SRD5A2: variants seen among roughly 807,000 people sequenced by gnomAD.
SRD5A2 encodes steroid 5 alpha-reductase 2.
A neutral mutation model predicts 27.4 loss-of-function variants in SRD5A2; 30 were observed. The observed-to-expected ratio is 1.10, with a 90% confidence interval of 0.82 to 1.49. The LOEUF is 1.49. SRD5A2 is among the 40% of genes most tolerant of loss of function. SRD5A2 has a pLI of 0.00. For missense variants in SRD5A2, 348 were observed against 323.4 expected (o/e 1.08, Z -0.58); for synonymous variants, 141 against 133.6 (o/e 1.06, Z -0.38).
the SRD5A2 span, among the ~76,000 whole-genome samples, chr2:31,651,089 G>C: frequency 6.6e-6 from 1 of 152,154 alleles, no homozygotes; most frequent in Non-Finnish European, 1.5e-5. Flanking sequence ...ATCATTTCAG[G>C]GGAAAATTAA....
chr2:31,661,350 A>G, the SRD5A2 span, among the ~76,000 whole-genome samples: 1 of 152,274 alleles, frequency 6.6e-6, no homozygotes, highest in South Asian at 2.1e-4. Context: ...AATTTCCACA[A>G]GAACTCAGTA....
intron 3 of SRD5A2, among the ~76,000 whole-genome samples, chr2:31,531,040 C>T (rs1292224457): frequency 6.6e-6 from 1 of 152,202 alleles, no homozygotes. Context: ...TAGAAAGGAT[C>T]AGCCCTCTGT....
chr2:31,646,023 A>C, the SRD5A2 span, among the ~76,000 whole-genome samples: 1 of 152,102 alleles, frequency 6.6e-6, no homozygotes, highest in South Asian at 2.1e-4. Context: ...TTGCAACTTT[A>C]CCTCCTTCAT....
the SRD5A2 span, among the ~76,000 whole-genome samples, chr2:31,595,678 G>A: frequency 4.6e-5 from 7 of 152,238 alleles, no homozygotes; most frequent in East Asian, 1.4e-3. Context: ...GGAAGAGAAA[G>A]AGAGAGTCCT....
At chr2:31,583,610 C>T (rs1332762540), upstream of SRD5A2, among the ~76,000 whole-genome samples, 1 of 98,724 alleles carries the variant, frequency 1.0e-5, no homozygotes, top group African/African-American at 4.0e-5. Flanking sequence ...CATCCTCCTT[C>T]CAGGAAAAAA....
At chr2:31,611,753 A>G in the SRD5A2 span, among the ~76,000 whole-genome samples, 5 of 152,140 alleles carry the variant, frequency 3.3e-5, no homozygotes, top group African/African-American at 1.2e-4. Context: ...CTGTTTGGCT[A>G]TTTTTTATAC....
the SRD5A2 span, among the ~76,000 whole-genome samples, chr2:31,645,775 A>G: frequency 6.6e-6 from 1 of 152,232 alleles, no homozygotes; most frequent in Non-Finnish European, 1.5e-5. Flanking sequence ...AGCACCTGAA[A>G]TAAAATAGAT....
intron 1 of SRD5A2, among the ~76,000 whole-genome samples, chr2:31,579,595 G>A (rs1198711203): frequency 6.6e-6 from 1 of 152,202 alleles, no homozygotes; most frequent in Admixed American, 6.5e-5. Flanking sequence ...GCGGGCACCA[G>A]CTGTATTGTC....
the SRD5A2 span, among the ~76,000 whole-genome samples, chr2:31,646,165 G>GCACACA: frequency 6.6e-6 from 1 of 150,994 alleles, no homozygotes; most frequent in Admixed American, 6.6e-5. Flanking sequence ...GTGTGTGCGT[G>GCACACA]CACACACACA....
At chr2:31,634,625 C>T in the SRD5A2 span, among the ~76,000 whole-genome samples, 95 of 152,062 alleles carry the variant, frequency 6.2e-4, no homozygotes, top group Middle Eastern at 3.4e-3. Context: ...ACCATTTCTA[C>T]GGGTACAGTT....
the SRD5A2 span, among the ~76,000 whole-genome samples, chr2:31,622,249 C>T: frequency 6.6e-6 from 1 of 152,114 alleles, no homozygotes; most frequent in Non-Finnish European, 1.5e-5. Flanking sequence ...TGTTAGTTTG[C>T]TGAGGATAAT....
chr2:31,525,910 T>C lies in SRD5A2; in HGVS notation c.*286A>G, dbSNP rs886055952. On this transcript the variant is annotated 3_prime_UTR_variant, in exon 5 of 5. Transcript: ENST00000622030. ...TACTTGGATTGCCCGGTGAAAGACA[T>C]AGGAGAAGTTTGTACTTTCTCAGAG... 10 of 342,802 alleles carry C rather than the reference T, an allele frequency of 2.9e-5. No homozygotes were observed. Among genetic ancestry groups the C allele is most frequent in the East Asian group, 2.9e-4 (7 of 24,288 alleles). 21.2% of individuals were successfully genotyped at this position (342,802 alleles called of 1,614,324 possible). A position where few individuals can be genotyped will look rare whatever the true frequency, so the allele number is the denominator to read the frequency against.
chr2:31,599,696 C>T, the SRD5A2 span, among the ~76,000 whole-genome samples: 1 of 151,808 alleles, frequency 6.6e-6, no homozygotes, highest in Non-Finnish European at 1.5e-5. Flanking sequence ...TAAGTGCCTA[C>T]ATCAAAACAG....
chr2:31,579,442 C>T (rs748247217), intron 1 of SRD5A2, among the ~76,000 whole-genome samples: 1 of 152,174 alleles, frequency 6.6e-6, no homozygotes, highest in East Asian at 1.9e-4. Flanking sequence ...CAAAATAAGG[C>T]AAAACCTTCA....
the SRD5A2 span, among the ~76,000 whole-genome samples, chr2:31,604,940 T>C: frequency 6.6e-6 from 1 of 151,784 alleles, no homozygotes. Context: ...AGCATGGTAC[T>C]GCCATAAAAA....
chr2:31,601,116 A>G, the SRD5A2 span, among the ~76,000 whole-genome samples: 2 of 151,994 alleles, frequency 1.3e-5, no homozygotes, highest in Non-Finnish European at 2.9e-5. Context: ...AAATCCTTCA[A>G]AAAATCAACC....
rs537457079 is a variant in SRD5A2, at chr2:31,567,525, A to G, written c.281+13095T>C. Among the ~76,000 whole-genome samples the G allele has an allele frequency of 7.2e-5, 11 of 151,792 alleles. No homozygotes were observed. In the South Asian group the frequency reaches 1.9e-3, roughly 26 times the overall value. On this transcript the variant is annotated intron_variant, in intron 1 of 4. Coordinates refer to ENST00000622030, the MANE Select transcript of SRD5A2 (RefSeq NM_000348.4). ...TTCATGTCACATGAAGCCATGTGAC[A>G]TAAAAATAATGAACACATCCATCAC...
chr2:31,539,348 A>T (rs1450135245), intron 1 of SRD5A2, among the ~76,000 whole-genome samples: 1 of 152,234 alleles, frequency 6.6e-6, no homozygotes, highest in Non-Finnish European at 1.5e-5. Flanking sequence ...CCAAGGAATG[A>T]GAAAAAGGGA....
chr2:31,617,218 A>G, the SRD5A2 span, among the ~76,000 whole-genome samples: 1 of 152,126 alleles, frequency 6.6e-6, no homozygotes, highest in Non-Finnish European at 1.5e-5. Context: ...TACAGCCACC[A>G]AGGCTTGGGA....
Sources: allele counts gnomAD v4.1 joint callset (sites outside exome capture counted in the v4.1 genomes callset), GRCh38; gene constraint gnomAD v4.1.1; transcripts MANE v1.5; gene names NCBI Gene and HGNC (gene_info 2026-07-23, HGNC 2026-07-21).